Variants in PTPRQ observed in about 807,000 individuals in gnomAD.
PTPRQ encodes the protein phosphatidylinositol phosphatase PTPRQ.
In PTPRQ, 199 loss-of-function variants were observed where a neutral mutation model predicts 246.0. The observed-to-expected ratio is 0.81, with a 90% CI of 0.72 to 0.91. The LOEUF is 0.91. Among genes scored for constraint, PTPRQ ranks in the 40% least tolerant of loss-of-function variants. The pLI is 0.00. For synonymous variants in PTPRQ, 869 were observed against 853.2 expected (o/e 1.02, Z -0.32); for missense variants, 2,624 against 2,528.4 (o/e 1.04, Z -0.81).
chr12:80,625,099 C>T (rs920763688), intron 33 of PTPRQ, among the ~76,000 whole-genome samples: 1 of 152,088 alleles, frequency 6.6e-6, no homozygotes, highest in African/African-American at 2.4e-5. Flanking sequence ...CAAAGTTGAT[C>T]AATTCTCCAA....
chr12:80,619,321 A>AT, intron 30 of PTPRQ, 63 bp from the exon 31 acceptor site: 1 of 1,495,718 alleles, frequency 6.7e-7, no homozygotes, highest in Non-Finnish European at 8.9e-7. Context: ...AAGGAGAAAG[A>AT]TTTTTTCTTT....
At chr12:80,520,358 A>T (rs1319244589) in intron 17 of PTPRQ, among the ~76,000 whole-genome samples, 6 of 151,944 alleles carry the variant, frequency 3.9e-5, no homozygotes, top group African/African-American at 1.5e-4. Context: ...ATTACTTTTA[A>T]TACAATTTTT....
intron 3 of PTPRQ, among the ~76,000 whole-genome samples, chr12:80,451,018 T>C (rs1471823618): frequency 2.0e-5 from 3 of 152,240 alleles, no homozygotes; most frequent in African/African-American, 7.2e-5. Context: ...TGGACTCTTT[T>C]TCGTTGGCAA....
At chr12:80,471,903 G>A (rs1893650289) in intron 7 of PTPRQ, among the ~76,000 whole-genome samples, 1 of 151,966 alleles carries the variant, frequency 6.6e-6, no homozygotes, top group African/African-American at 2.4e-5. Context: ...ACATTTTCAT[G>A]TTCTTTCATT....
At chr12:80,659,625 G>C (rs1438367234) in intron 39 of PTPRQ, among the ~76,000 whole-genome samples, 2 of 151,988 alleles carry the variant, frequency 1.3e-5, no homozygotes, top group Admixed American at 6.6e-5. Context: ...TGTAAGCAAA[G>C]TAATTTTCGC....
chr12:80,621,612 G>A (rs1050289826), intron 32 of PTPRQ, among the ~76,000 whole-genome samples: 2 of 151,956 alleles, frequency 1.3e-5, no homozygotes, highest in Non-Finnish European at 2.9e-5. Flanking sequence ...TTTTCTTAAT[G>A]TGTTTATATG....
chr12:80,471,958 T>C, intron 7 of PTPRQ, 147 bp from the exon 8 acceptor site: 1 of 943,664 alleles, frequency 1.1e-6, no homozygotes, highest in Non-Finnish European at 1.5e-6. Context: ...GCCACATGTT[T>C]AAAATATATG....
chr12:80,490,550 C>T (rs914749684), intron 9 of PTPRQ, among the ~76,000 whole-genome samples: 8 of 151,952 alleles, frequency 5.3e-5, no homozygotes, highest in African/African-American at 9.7e-5. Context: ...GCTCAACCAG[C>T]GGCAGTTTTG....
At chr12:80,519,622 T>G (rs1895410268) in intron 17 of PTPRQ, among the ~76,000 whole-genome samples, 1 of 152,172 alleles carries the variant, frequency 6.6e-6, no homozygotes, top group South Asian at 2.1e-4. Context: ...GAGCTATGAA[T>G]ATTCAGGAAG....
chr12:80,445,594 C>T lies in PTPRQ; in HGVS notation c.267C>T (p.Tyr89=), dbSNP rs1161104390. The T allele has an allele frequency of 6.5e-7, 1 of 1,548,554 alleles. No homozygotes were observed. Among genetic ancestry groups the T allele is most frequent in the South Asian group, 1.2e-5 (1 of 83,992 alleles). The change falls in exon 3 of 45, where the codon TAC becomes TAT. Residue 89 remains tyrosine (Y), a synonymous_variant. Transcript: ENST00000644991. ...PPNPNGRIIS[Y]IVKYKEVCPW... ...ATCCAAATGGAAGGATTATATCTTA[C>T]ATTGTCAAATATAAGGAAGTTTGTC...
rs1015886060 is a variant in PTPRQ, at chr12:80,534,799, C to A, written c.2840-93C>A. 9 of 1,410,028 alleles carry A rather than the reference C, an allele frequency of 6.4e-6. No individual in the cohort carries two copies. The African/African-American group carries it at 1.2e-4, about 18-fold the overall frequency. The allele number at this position is 1,410,028 out of a possible 1,614,324, so 87.3% of individuals were successfully genotyped here. The stretch of plus-strand genomic sequence containing the variant: ...CTTTTTTGAAAAACATTTTTTATCA[C>A]TTTAATTTATAAACTGTAGGTAAAA... On this transcript the variant is annotated intron_variant, in intron 18 of 44. Transcript: ENST00000644991.
intron 39 of PTPRQ, among the ~76,000 whole-genome samples, chr12:80,660,069 T>C (rs1418622433): frequency 1.3e-5 from 2 of 151,958 alleles, no homozygotes; most frequent in Admixed American, 6.6e-5. Flanking sequence ...CAAATTTTAT[T>C]CGAAAGCACT....
At chr12:80,502,350 C>T (rs1228731853) in intron 14 of PTPRQ, among the ~76,000 whole-genome samples, 2 of 151,998 alleles carry the variant, frequency 1.3e-5, no homozygotes, top group South Asian at 2.1e-4. Context: ...ATGGTGAAAA[C>T]ATACTTTAAA....
chr12:80,595,700 A>T (rs912734412), intron 26 of PTPRQ, among the ~76,000 whole-genome samples: 20 of 150,368 alleles, frequency 1.3e-4, no homozygotes, highest in African/African-American at 4.6e-4. Flanking sequence ...TATCTCCTAA[A>T]GCTATCCCTC....
chr12:80,595,620 T>C (rs1897943975), intron 26 of PTPRQ, among the ~76,000 whole-genome samples: 1 of 151,882 alleles, frequency 6.6e-6, no homozygotes, highest in Non-Finnish European at 1.5e-5. Context: ...AATGTGCAGG[T>C]TAGTTACATA....
At chr12:80,484,107 G>A (rs928037882) in intron 8 of PTPRQ, among the ~76,000 whole-genome samples, 9 of 151,996 alleles carry the variant, frequency 5.9e-5, no homozygotes, top group African/African-American at 2.2e-4. Context: ...TTGGGTTCAA[G>A]CAATTCTCCT....
In PTPRQ at chr12:80,668,055, G is replaced by C. The variant is rs145108675; in HGVS notation, c.6193-952G>C. On this transcript the variant is annotated intron_variant, in intron 39 of 44. Transcript: ENST00000644991. ...AAAATTTAAATATATGTTATTTTTT[G>C]TATATTACTATTCTCTGACTACTGA... 4.7e-4 allele frequency among the ~76,000 whole-genome samples: 72 copies of C among 151,920 alleles called. No individual in the cohort carries two copies. In the East Asian group the frequency reaches 0.013, roughly 27 times the overall value.
chr12:80,499,197 A>G (rs956168117), intron 14 of PTPRQ, among the ~76,000 whole-genome samples: 4 of 152,024 alleles, frequency 2.6e-5, no homozygotes, highest in African/African-American at 9.7e-5. Context: ...AAAAAAATAA[A>G]GAGAAGGGGA....
rs920307634 is a variant in PTPRQ, at chr12:80,542,147, C to G, written c.3504C>G (p.Leu1168=). ...AAAACCTTTCCTCTACCTCAGTTCT[C>G]TTATCATGGGATCCCCCAGTAAAGC... is the stretch of plus-strand genomic sequence containing the variant. ...TFKNLSSTSV[L]LSWDPPVKPN... Residue 1168 remains leucine, a synonymous_variant, in exon 22 of 45, where the codon CTC becomes CTG. Coordinates refer to ENST00000644991, the MANE Select transcript of PTPRQ (RefSeq NM_001145026.2). 4 of 1,551,024 alleles carry G rather than the reference C, an allele frequency of 2.6e-6. No homozygotes were observed. The highest frequency in any genetic ancestry group is 3.5e-6 in the Non-Finnish European group (4 of 1,146,682).
Sources: allele counts gnomAD v4.1 joint callset (sites outside exome capture counted in the v4.1 genomes callset), GRCh38; gene constraint gnomAD v4.1.1; transcripts MANE v1.5; gene names NCBI Gene and HGNC (gene_info 2026-07-23, HGNC 2026-07-21).